Variants in OTUD7A observed in about 807,000 individuals in gnomAD.
OTUD7A encodes the protein OTU domain-containing protein 7A.
Under a neutral mutation model 65.7 loss-of-function variants are expected in OTUD7A, and 12 were observed. The observed-to-expected ratio is 0.18, with a 90% CI of 0.12 to 0.30. OTUD7A has a LOEUF of 0.30. Ranked by LOEUF, OTUD7A falls within the 10% of genes least tolerant of loss-of-function variation. OTUD7A has a pLI of 1.00. For missense variants in OTUD7A, 1,148 were observed against 1,304.8 expected (o/e 0.88, Z 1.85); for synonymous variants, 641 against 586.3 (o/e 1.09, Z -1.35).
At chr15:31,585,100 A>C (rs1024475433) in intron 3 of OTUD7A, among the ~76,000 whole-genome samples, 3 of 152,206 alleles carry the variant, frequency 2.0e-5, no homozygotes, top group African/African-American at 2.4e-5. Context: ...GAAGAAGAGT[A>C]AAATTAGCAG....
chr15:31,612,917 A>G lies in OTUD7A; in HGVS notation c.151+42179T>C, dbSNP rs369680631. Among the ~76,000 whole-genome samples, 3 of 152,222 alleles carry G rather than the reference A, an allele frequency of 2.0e-5. No homozygotes were observed. In the East Asian group the frequency reaches 5.8e-4, roughly 29 times the overall value. On this transcript the variant is annotated intron_variant, in intron 3 of 12. Transcript: ENST00000307050. ...CTATACTTTAAGGCCATAGTCACCAAAACAGCATGGTACTGGTACAAAAGT... is the reference window on the plus strand; with the variant it reads ...CTATACTTTAAGGCCATAGTCACCAGAACAGCATGGTACTGGTACAAAAGT...
In OTUD7A at chr15:31,483,801, C is replaced by G. The variant is rs2338682; in HGVS notation, c.2295G>C (p.Val765=). The part of the protein sequence containing the change: ...GARRASASGP[V]PGRSPPAPAR... Reference sequence around the variant, plus strand: ...CTGGCGCCGGGGGGCTGCGGCCAGGCACTGGTCCGCTGGCGCTCGCACGCC... The same window carrying G: ...CTGGCGCCGGGGGGCTGCGGCCAGGGACTGGTCCGCTGGCGCTCGCACGCC... The change falls in exon 13 of 13, where the codon GTG becomes GTC. Residue 765 remains valine, a synonymous_variant. Transcript: ENST00000307050. 0.69 allele frequency: 709,085 copies of G among 1,024,014 alleles called. 247,930 individuals carry two copies. The highest frequency in any genetic ancestry group is 0.92 in the African/African-American group (52,960 of 57,516). 63.4% of individuals were successfully genotyped at this position (1,024,014 alleles called of 1,614,324 possible).
At chr15:31,713,977 C>T (rs1285037673) in intron 1 of OTUD7A, among the ~76,000 whole-genome samples, 1 of 141,040 alleles carries the variant, frequency 7.1e-6, no homozygotes, top group Non-Finnish European at 1.6e-5. Flanking sequence ...ATTGAAAATA[C>T]CGAGTGTTGG....
At chr15:31,841,479 C>A (rs980492351) in intron 1 of OTUD7A, among the ~76,000 whole-genome samples, 1 of 152,170 alleles carries the variant, frequency 6.6e-6, no homozygotes, top group East Asian at 1.9e-4. Flanking sequence ...GCTGCCTCTG[C>A]CCCTCTACAT....
chr15:31,837,812 A>G (rs908366672), intron 1 of OTUD7A, among the ~76,000 whole-genome samples: 3 of 152,240 alleles, frequency 2.0e-5, no homozygotes, highest in African/African-American at 7.2e-5. Context: ...AAGAAGTTGG[A>G]ATAGCTAAAA....
At chr15:31,550,684 G>A (rs2141145942) in intron 5 of OTUD7A, among the ~76,000 whole-genome samples, 1 of 152,342 alleles carries the variant, frequency 6.6e-6, no homozygotes, top group East Asian at 1.9e-4. Context: ...GCCCCCGGAA[G>A]CTGTGGGATG....
At chr15:31,745,254 A>G (rs1340275288) in intron 1 of OTUD7A, among the ~76,000 whole-genome samples, 1 of 152,154 alleles carries the variant, frequency 6.6e-6, no homozygotes, top group Admixed American at 6.5e-5. Flanking sequence ...TTATCTAGAA[A>G]AATATAAAGC....
At chr15:31,778,749 CACACACAG>C (rs1193058299) in intron 1 of OTUD7A, among the ~76,000 whole-genome samples, 1 of 151,590 alleles carries the variant, frequency 6.6e-6, no homozygotes, top group African/African-American at 2.4e-5. Context: ...CTCACACACA[CACACACAG>C]ACACGCACAT....
At chr15:31,625,078 G>C (rs964849944) in intron 3 of OTUD7A, among the ~76,000 whole-genome samples, 1 of 152,224 alleles carries the variant, frequency 6.6e-6, no homozygotes, top group African/African-American at 2.4e-5. Flanking sequence ...CTCACTCTGA[G>C]GGAAGTCAAC....
intron 3 of OTUD7A, among the ~76,000 whole-genome samples, chr15:31,632,814 T>C (rs969944038): frequency 6.6e-6 from 1 of 152,200 alleles, no homozygotes; most frequent in Non-Finnish European, 1.5e-5. Flanking sequence ...TAATCAAGCC[T>C]GGGCAATGGC....
In OTUD7A at chr15:31,517,708, C is replaced by T. The variant is rs1283073790; in HGVS notation, c.893+8641G>A. Reference sequence around the variant, plus strand: ...CAGGGTTAGGGATATACCGTCTACCCAATGAAAACACCCTGAGAAAGATGG... The same window carrying T: ...CAGGGTTAGGGATATACCGTCTACCTAATGAAAACACCCTGAGAAAGATGG... On this transcript the variant is annotated intron_variant, in intron 8 of 12. Transcript: ENST00000307050. Among the ~76,000 whole-genome samples, 38 of 152,090 alleles carry T rather than the reference C, an allele frequency of 2.5e-4. 2 individuals carry two copies. The highest frequency in any genetic ancestry group is 2.4e-3 in the Admixed American group (37 of 15,274).
chr15:31,867,159 A>G (rs1487742239), intron 1 of OTUD7A, among the ~76,000 whole-genome samples: 1 of 152,190 alleles, frequency 6.6e-6, no homozygotes. Flanking sequence ...TGCGAGGAAA[A>G]GTCTCCCAGG....
intron 1 of OTUD7A, among the ~76,000 whole-genome samples, chr15:31,665,559 T>G (rs1384652888): frequency 6.6e-6 from 1 of 152,198 alleles, no homozygotes; most frequent in Non-Finnish European, 1.5e-5. Context: ...AGGAGCTTTC[T>G]GGAGGAGTCT....
intron 1 of OTUD7A, among the ~76,000 whole-genome samples, chr15:31,833,539 C>T (rs1388928873): frequency 2.6e-5 from 4 of 152,228 alleles, no homozygotes; most frequent in African/African-American, 7.2e-5. Context: ...TATTTATTTG[C>T]TTCCTATTGC....
chr15:31,502,951 C>G (rs1015637483), intron 9 of OTUD7A, among the ~76,000 whole-genome samples: 8 of 152,218 alleles, frequency 5.3e-5, no homozygotes, highest in Admixed American at 3.9e-4. Flanking sequence ...GTAGAGCTCC[C>G]TGGAAGACCT....
At chr15:31,573,918 A>C (rs1468482971) in intron 3 of OTUD7A, among the ~76,000 whole-genome samples, 2 of 152,220 alleles carry the variant, frequency 1.3e-5, no homozygotes, top group African/African-American at 4.8e-5. Context: ...ACAACAACAA[A>C]AAAAACAAAA....
Position 31,791,234 on chromosome 15 carries a change from C to T in OTUD7A, c.-100+79273G>A, listed in dbSNP as rs539819814. Among the ~76,000 whole-genome samples, 88 of 152,192 alleles carry T rather than the reference C, an allele frequency of 5.8e-4. No homozygotes were observed. The South Asian group carries it at 0.012, about 22-fold the overall frequency. The stretch of plus-strand genomic sequence containing the variant: ...TAGAGACGGGGTTTCACCATGTTGG[C>T]CAGGATGGTCTTGATCTCTTGACCT... On this transcript the variant is annotated intron_variant, in intron 1 of 12. Transcript: ENST00000307050.
chr15:31,550,833 G>A (rs1019390660), intron 5 of OTUD7A, among the ~76,000 whole-genome samples: 5 of 152,312 alleles, frequency 3.3e-5, no homozygotes, highest in African/African-American at 7.2e-5. Flanking sequence ...CCTGGGAGGC[G>A]TATCCTGGGA....
chr15:31,826,366 T>C (rs1896797884), intron 1 of OTUD7A, among the ~76,000 whole-genome samples: 2 of 152,220 alleles, frequency 1.3e-5, no homozygotes, highest in South Asian at 2.1e-4. Flanking sequence ...GCTTGCACCA[T>C]CTGAAGCCAC....
Sources: allele counts gnomAD v4.1 joint callset (sites outside exome capture counted in the v4.1 genomes callset), GRCh38; gene constraint gnomAD v4.1.1; transcripts MANE v1.5; gene names NCBI Gene and HGNC (gene_info 2026-07-23, HGNC 2026-07-21).